PAPPA2: variants seen among roughly 807,000 people sequenced by gnomAD.
PAPPA2 encodes the protein pappalysin-2.
In PAPPA2, 86 loss-of-function variants were observed where a neutral mutation model predicts 176.4. The observed-to-expected ratio is 0.49, with a 90% CI of 0.41 to 0.58. The LOEUF (loss-of-function observed/expected upper bound fraction) is 0.58, where lower values mean the gene tolerates loss of function less well. PAPPA2 is among the 20% of genes least tolerant of loss of function. The pLI is 0.00. For missense variants in PAPPA2, 2,073 were observed against 2,256.9 expected (o/e 0.92, Z 1.65); for synonymous variants, 809 against 852.2 (o/e 0.95, Z 0.88).
intron 2 of PAPPA2, among the ~76,000 whole-genome samples, chr1:176,584,332 A>T (rs12084451): frequency 0.14 from 21,361 of 151,786 alleles, 1,557 homozygotes; most frequent in Middle Eastern, 0.2. Context: ...TATTGGGTGC[A>T]TATATACATA....
At chr1:176,692,003 GTAAGTGCTCAT>G (rs1660139532) in intron 5 of PAPPA2, 112 bp from the exon 6 acceptor site, 5 of 879,468 alleles carry the variant, frequency 5.7e-6, no homozygotes, top group Non-Finnish European at 8.9e-6. Flanking sequence ...CATTCAACAA[GTAAGTGCTCAT>G]TGAGCCTAAT....
chr1:176,788,532 T>C (rs1316828280), intron 17 of PAPPA2, among the ~76,000 whole-genome samples: 3 of 152,208 alleles, frequency 2.0e-5, no homozygotes, highest in Non-Finnish European at 4.4e-5. Flanking sequence ...TACAAGCTTA[T>C]CTGTAACCAG....
chr1:176,791,345 A>G lies in PAPPA2; in HGVS notation c.4885-2A>G. ...TTAAGATGTTTACTTTTGATATTCT[A>G]GCTTCCCATCCTCTGCACTAAAGAG... On this transcript the variant is annotated splice_acceptor_variant, in intron 18 of 22. Transcript: ENST00000367662. LOFTEE classifies it high-confidence loss of function. 1 of 1,605,192 alleles carries G rather than the reference A, an allele frequency of 6.2e-7. No homozygotes were observed. Among genetic ancestry groups the G allele is most frequent in the South Asian group, 1.1e-5 (1 of 90,006 alleles).
chr1:176,836,724 T>C (rs1667284800), intron 21 of PAPPA2: 1 of 152,142 alleles, frequency 6.6e-6, no homozygotes, highest in South Asian at 2.1e-4. Flanking sequence ...AAAAGCAGAT[T>C]TCCCTCACCC....
chr1:176,842,617 T>G lies in PAPPA2; in HGVS notation c.*163T>G. ...AAATGCAAGAGGATATTGATAGGTGTGAACTAGTTCATCAAGTAGCCCAAG... is the reference window on the plus strand; with the variant it reads ...AAATGCAAGAGGATATTGATAGGTGGGAACTAGTTCATCAAGTAGCCCAAG... On this transcript the variant is annotated 3_prime_UTR_variant, in exon 23 of 23. Transcript: ENST00000367662. 1 of 671,488 alleles carries G rather than the reference T, an allele frequency of 1.5e-6. No individual in the cohort carries two copies. Among genetic ancestry groups the G allele is most frequent in the South Asian group, 2.0e-5 (1 of 50,622 alleles). The allele number at this position is 671,488 out of a possible 1,614,324, so 41.6% of individuals were successfully genotyped here.
At chr1:176,642,624 G>A (rs780243178) in intron 3 of PAPPA2, among the ~76,000 whole-genome samples, 1 of 151,934 alleles carries the variant, frequency 6.6e-6, no homozygotes, top group African/African-American at 2.4e-5. Flanking sequence ...GAAGACCACT[G>A]CTATAGTTTG....
At chr1:176,602,638 G>A (rs1404418663) in intron 3 of PAPPA2, among the ~76,000 whole-genome samples, 7 of 152,004 alleles carry the variant, frequency 4.6e-5, no homozygotes, top group Admixed American at 6.6e-5. Context: ...AAAAACACAC[G>A]CAGGGAAAAT....
intron 1 of PAPPA2, among the ~76,000 whole-genome samples, chr1:176,530,586 A>C (rs1649755241): frequency 6.7e-6 from 1 of 148,918 alleles, no homozygotes; most frequent in African/African-American, 2.5e-5. Flanking sequence ...AGTTTGTAGA[A>C]ATATATTCAT....
At chr1:176,682,478 T>C (rs1171971841) in intron 4 of PAPPA2, among the ~76,000 whole-genome samples, 3 of 152,212 alleles carry the variant, frequency 2.0e-5, no homozygotes, top group African/African-American at 7.2e-5. Flanking sequence ...TGGATCTTAA[T>C]ATTTAATTTT....
intron 14 of PAPPA2, among the ~76,000 whole-genome samples, chr1:176,760,882 A>G (rs557503533): frequency 6.6e-6 from 1 of 152,096 alleles, no homozygotes; most frequent in African/African-American, 2.4e-5. Flanking sequence ...AGTGCAGTGG[A>G]GCAATCTCGG....
intron 14 of PAPPA2, among the ~76,000 whole-genome samples, chr1:176,744,420 A>G (rs1571261085): frequency 2.0e-5 from 3 of 152,208 alleles, no homozygotes; most frequent in Admixed American, 2.0e-4. Flanking sequence ...CCAAGATTTT[A>G]TTCCAAAAGT....
chr1:176,618,532 T>C (rs1438715989), intron 3 of PAPPA2, among the ~76,000 whole-genome samples: 2 of 152,244 alleles, frequency 1.3e-5, no homozygotes, highest in Non-Finnish European at 2.9e-5. Context: ...TTTATTTCTC[T>C]GTAGTGTTGT....
intron 1 of PAPPA2, among the ~76,000 whole-genome samples, chr1:176,481,352 G>C (rs1299549299): frequency 5.9e-5 from 9 of 151,426 alleles, no homozygotes; most frequent in Admixed American, 1.3e-4. Context: ...CCTATGCCGG[G>C]GCCTTCGACA....
At chr1:176,683,289 A>G (rs1659674732) in intron 4 of PAPPA2, among the ~76,000 whole-genome samples, 1 of 152,008 alleles carries the variant, frequency 6.6e-6, no homozygotes, top group Non-Finnish European at 1.5e-5. Context: ...TTTTGTAATC[A>G]AGGCTGAAAG....
chr1:176,525,291 C>T (rs1649440237), intron 1 of PAPPA2, among the ~76,000 whole-genome samples: 1 of 152,150 alleles, frequency 6.6e-6, no homozygotes, highest in African/African-American at 2.4e-5. Context: ...AGTTCCATAT[C>T]TTCATTTCAA....
At chr1:176,529,856 C>T (rs1181222350) in intron 1 of PAPPA2, among the ~76,000 whole-genome samples, 1 of 152,040 alleles carries the variant, frequency 6.6e-6, no homozygotes, top group Non-Finnish European at 1.5e-5. Flanking sequence ...TCTCTTGAGG[C>T]CAAGTTTTTT....
chr1:176,696,966 G>A (rs1660416063), intron 7 of PAPPA2, among the ~76,000 whole-genome samples: 1 of 152,120 alleles, frequency 6.6e-6, no homozygotes, highest in Non-Finnish European at 1.5e-5. Flanking sequence ...AATTTTCAGG[G>A]AAGAATGGAA....
intron 1 of PAPPA2, among the ~76,000 whole-genome samples, chr1:176,481,113 A>T (rs1477325194): frequency 6.6e-6 from 1 of 152,196 alleles, no homozygotes; most frequent in Non-Finnish European, 1.5e-5. Flanking sequence ...AGTGACGAAG[A>T]GGGAAGAGAA....
intron 4 of PAPPA2, among the ~76,000 whole-genome samples, chr1:176,675,016 C>T (rs1470076236): frequency 6.6e-6 from 1 of 151,956 alleles, no homozygotes; most frequent in African/African-American, 2.4e-5. Flanking sequence ...TTTTGATATG[C>T]ATTCCATCTA....
Sources: gnomAD v4.1 joint callset for allele counts (sites outside exome capture counted in the v4.1 genomes callset) on GRCh38, gnomAD v4.1.1 for gene constraint, MANE v1.5 for transcripts, NCBI Gene and HGNC (gene_info 2026-07-23, HGNC 2026-07-21) for gene names.